The following MFAP4 variants were observed in gnomAD, a reference collection of about 807,000 sequenced individuals.
The protein encoded by MFAP4 is microfibril associated protein 4.
Under a neutral mutation model 32.4 loss-of-function variants are expected in MFAP4, and 20 were observed. The ratio of observed to expected loss-of-function variants is 0.62; its 90% CI spans 0.43 to 0.90. MFAP4 has a LOEUF of 0.90. Among genes scored for constraint, MFAP4 ranks in the 40% least tolerant of loss-of-function variants. The probability of loss-of-function intolerance (pLI) is 0.00; values close to 1 mark genes in which losing one functional copy is unlikely to be tolerated. For missense variants in MFAP4, 267 were observed against 329.5 expected, an observed-to-expected ratio of 0.81 and a Z score of 1.47; for synonymous variants, 146 against 137.4, an observed-to-expected ratio of 1.06 and a Z score of -0.44.
rs1598122150 is a variant in MFAP4, at chr17:19,384,966, G to T, written c.520+133C>A. 4 of 1,255,902 alleles carry T rather than the reference G, an allele frequency of 3.2e-6. No homozygotes were observed. In the East Asian group the frequency reaches 7.1e-5, roughly 22 times the overall value. 77.8% of individuals were successfully genotyped at this position (1,255,902 alleles called of 1,614,324 possible). On this transcript the variant is annotated intron_variant, in intron 5 of 5. Transcript: ENST00000299610. ...GGCCCAAGCTGGTTTGAGCTTGTTT[G>T]GAGCCAGCTGTGGCCCTTCCAGATC...
At chr17:19,387,120 CTA>C (rs757231588) in intron 1 of MFAP4, 28 bp downstream of exon 1, 7 of 1,612,602 alleles carry the variant, frequency 4.3e-6, no homozygotes, top group East Asian at 2.2e-5. Context: ...TTCCCCCATG[CTA>C]TGAGTCCCCC....
At chr17:19,387,065 C>T in intron 1 of MFAP4, 85 bp downstream of exon 1, 3 of 1,574,574 alleles carry the variant, frequency 1.9e-6, no homozygotes, top group Non-Finnish European at 2.6e-6. Flanking sequence ...CTCCTTGTGC[C>T]TTCATAGTGC....
intron 3 of MFAP4, 118 bp downstream of exon 3, chr17:19,386,192 G>A (rs1302202782): frequency 1.5e-5 from 14 of 917,516 alleles, no homozygotes; most frequent in African/African-American, 3.4e-5. Flanking sequence ...AAGCTGTGCT[G>A]TGGGTATCAT....
rs1439697995 is a variant in MFAP4, at chr17:19,385,283, T to TG, written c.338-3dup. The TG allele has an allele frequency of 1.2e-6, 2 of 1,614,220 alleles. No individual in the cohort carries two copies. The highest frequency in any genetic ancestry group is 3.3e-5 in the Admixed American group (2 of 60,034). ...TCAGGAGGTGCATGTTCTGCAGCCC[T>TG]GGGGAGGAGGGGCAGCTGGTCAACA... is the stretch of plus-strand genomic sequence containing the variant. On this transcript the variant is annotated splice_polypyrimidine_tract_variant and splice_region_variant and intron_variant, in intron 4 of 5. Coordinates refer to ENST00000299610, the MANE Select transcript of MFAP4 (RefSeq NM_002404.3).
In MFAP4 at chr17:19,384,603, G is replaced by A. The variant is rs1434447604; in HGVS notation, c.627C>T (p.Phe209=). 6.2e-7 allele frequency: 1 copy of A among 1,614,044 alleles called. No individual in the cohort carries two copies. Among genetic ancestry groups the A allele is most frequent in the African/African-American group, 1.3e-5 (1 of 74,932 alleles). ...CAALSSGAFW[F]RSCHFANLNG... ...TGAGGTTGGCAAAGTGGCAGCTGCG[G>A]AACCAGAAGGCTCCTGAGGAGAGAG... The change falls in exon 6 of 6, where the codon TTC becomes TTT. Residue 209 remains phenylalanine, a synonymous_variant. Transcript: ENST00000299610.
intron 1 of MFAP4, 154 bp downstream of exon 1, chr17:19,386,996 C>CCACCT: frequency 8.5e-7 from 1 of 1,177,472 alleles, no homozygotes; most frequent in South Asian, 1.3e-5. Flanking sequence ...CCCCGCCCGC[C>CCACCT]AAGTAACCCC....
rs2269870 is a variant in MFAP4 at position 19,387,133 on chromosome 17, G to A, written c.6+17C>T. On this transcript the variant is annotated intron_variant, in intron 1 of 5. Transcript: ENST00000299610. The stretch of plus-strand genomic sequence containing the variant: ...AGTTCCCCCATGCTATGAGTCCCCC[G>A]ACCCTGGGCCCCGTACCTTCATGCT... 16 of 1,610,770 alleles carry A rather than the reference G, an allele frequency of 9.9e-6. No individual in the cohort carries two copies. The highest frequency in any genetic ancestry group is 2.0e-4 in the Middle Eastern group (1 of 4,918).
At position 19,387,143 on chromosome 17, in the gene MFAP4, C is replaced by G. The variant is rs1913073172; in HGVS notation, c.6+7G>C. 5 of 1,610,458 alleles carry G rather than the reference C, an allele frequency of 3.1e-6. No individual in the cohort carries two copies. Among genetic ancestry groups the G allele is most frequent in the Non-Finnish European group, 2.5e-6 (3 of 1,178,424 alleles). On this transcript the variant is annotated splice_region_variant and intron_variant, in intron 1 of 5. Coordinates refer to ENST00000299610, the MANE Select transcript of MFAP4 (RefSeq NM_002404.3). ...TGCTATGAGTCCCCCGACCCTGGGC[C>G]CCGTACCTTCATGCTGTCAGTTCTG...
Position 19,384,212 on chromosome 17 carries a change from A to C in MFAP4, c.*250T>G, listed in dbSNP as rs1912936721. 1 of 509,038 alleles carries C rather than the reference A, an allele frequency of 2.0e-6. No homozygotes were observed. Among genetic ancestry groups the C allele is most frequent in the South Asian group, 2.1e-5 (1 of 47,638 alleles). The allele number at this position is 509,038 out of a possible 1,614,324, so 31.5% of individuals were successfully genotyped here. ...GCCCAGCCAGGTCCAGGCTAGAACC[A>C]TGTGCCTCTCGGAAGAGGCCTGGGG... On this transcript the variant is annotated 3_prime_UTR_variant, in exon 6 of 6. Transcript: ENST00000299610.
In MFAP4 at chr17:19,385,489, G is replaced by T. The variant is rs763172152; in HGVS notation, c.241-35C>A. On this transcript the variant is annotated intron_variant, in intron 3 of 5. Coordinates refer to ENST00000299610, the MANE Select transcript of MFAP4 (RefSeq NM_002404.3). ...AGAAGATGAGACTGGATCATCAAGG[G>T]TCCAATGGGCAAGGTTCTGGTCCTG... is the stretch of plus-strand genomic sequence containing the variant. 3 of 1,593,930 alleles carry T rather than the reference G, an allele frequency of 1.9e-6. No homozygotes were observed. The Admixed American group carries it at 5.0e-5, about 27-fold the overall frequency.
rs1167003401 is a variant in MFAP4, at chr17:19,384,410, A to C, written c.*52T>G. ...ATCAGGGGCAGCAGAGGGAGCACTCATGGAGACCATGGGTGTCCAGGGGAG... is the reference window on the plus strand; with the variant it reads ...ATCAGGGGCAGCAGAGGGAGCACTCCTGGAGACCATGGGTGTCCAGGGGAG... On this transcript the variant is annotated 3_prime_UTR_variant, in exon 6 of 6. Transcript: ENST00000299610. 2.6e-6 allele frequency: 4 copies of C among 1,536,916 alleles called. No individual in the cohort carries two copies. The East Asian group carries it at 7.4e-5, about 28-fold the overall frequency.
In MFAP4 at chr17:19,386,321, C is replaced by T. The variant is rs150306319; in HGVS notation, c.229G>A (p.Gly77Arg). 1.7e-5 allele frequency: 28 copies of T among 1,604,656 alleles called. No individual in the cohort carries two copies. The highest frequency in any genetic ancestry group is 6.7e-5 in the African/African-American group (5 of 74,614). ...CTCCTCCCACTCACCGTCCACTTCC[C>T]GCCCTCGGTGGTCATGTCACAGAAG... ...PVFCDMTTEG[G>R]KWTVFQKRFN... is the part of the protein sequence containing the mutation. Residue 77 changes from glycine (G) to arginine (R), a missense_variant, in exon 3 of 6, where the codon GGG becomes AGG. Physicochemically the swap from Gly to Arg is moderately radical, Grantham distance 125. Coordinates refer to ENST00000299610, the MANE Select transcript of MFAP4 (RefSeq NM_002404.3).
chr17:19,387,166 C>A lies in MFAP4; in HGVS notation c.-11G>T, dbSNP rs922527259. 1.9e-6 allele frequency: 3 copies of A among 1,589,148 alleles called. No homozygotes were observed. Among genetic ancestry groups the A allele is most frequent in the Non-Finnish European group, 1.7e-6 (2 of 1,159,250 alleles). ...GCCCCGTACCTTCATGCTGTCAGTTCTGCTCAGAGTGGCTGGGTGTCTGCG... is the reference window on the plus strand; with the variant it reads ...GCCCCGTACCTTCATGCTGTCAGTTATGCTCAGAGTGGCTGGGTGTCTGCG... On this transcript the variant is annotated 5_prime_UTR_variant, in exon 1 of 6. Coordinates refer to ENST00000299610, the MANE Select transcript of MFAP4 (RefSeq NM_002404.3).
At chr17:19,386,975 C>G in intron 1 of MFAP4, 137 bp from the exon 2 acceptor site, 13 of 871,534 alleles carry the variant, frequency 1.5e-5, no homozygotes, top group Non-Finnish European at 2.4e-5. Flanking sequence ...CCCCTCTTCC[C>G]TGCCCCCCCA....
intron 3 of MFAP4, among the ~76,000 whole-genome samples, chr17:19,385,741 G>A (rs1913009680): frequency 6.6e-6 from 1 of 152,246 alleles, no homozygotes; most frequent in Non-Finnish European, 1.5e-5. Flanking sequence ...CGAGTGCCTA[G>A]CTGTGGGATC....
chr17:19,386,975 C>CGGGGG, intron 1 of MFAP4, 137 bp from the exon 2 acceptor site: 2 of 871,550 alleles, frequency 2.3e-6, no homozygotes, highest in Non-Finnish European at 3.7e-6. Flanking sequence ...CCCCTCTTCC[C>CGGGGG]TGCCCCCCCA....
intron 3 of MFAP4, 87 bp from the exon 4 acceptor site, chr17:19,385,541 G>T: frequency 9.8e-7 from 1 of 1,023,006 alleles, no homozygotes; most frequent in Non-Finnish European, 1.5e-6. Flanking sequence ...CATGGACCCT[G>T]TGATGCTGTG....
Position 19,385,149 on chromosome 17 carries a change from T to G in MFAP4, c.470A>C (p.Glu157Ala), listed in dbSNP as rs917224849. The stretch of plus-strand genomic sequence containing the variant: ...CACAAAGAGGGTGTAGCCATCCTCC[T>G]CTGCGCTGACCGCGTTCGGGGAGAT... ...FSISPNAVSA[E>A]EDGYTLFVAG... is the part of the protein sequence containing the mutation. Residue 157 changes from glutamate (E) to alanine (A), a missense_variant, in exon 5 of 6, where the codon GAG (glutamate) becomes GCG (alanine). Coordinates refer to ENST00000299610, the MANE Select transcript of MFAP4 (RefSeq NM_002404.3). The G allele has an allele frequency of 3.7e-6, 6 of 1,614,158 alleles. No homozygotes were observed. The highest frequency in any genetic ancestry group is 5.1e-6 in the Non-Finnish European group (6 of 1,180,060).
intron 1 of MFAP4, 65 bp from the exon 2 acceptor site, chr17:19,386,903 G>A: frequency 6.7e-7 from 1 of 1,503,432 alleles, no homozygotes; most frequent in Non-Finnish European, 9.0e-7. Context: ...TGTTCTCTTT[G>A]CATTTGCCCC....
Sources: allele counts gnomAD v4.1 joint callset (sites outside exome capture counted in the v4.1 genomes callset), GRCh38; gene constraint gnomAD v4.1.1; transcripts MANE v1.5; gene names NCBI Gene and HGNC (gene_info 2026-07-23, HGNC 2026-07-21).